Variants in ZNF521 observed in about 807,000 individuals in gnomAD.
The protein encoded by ZNF521 is LYST-interacting protein 3.
A neutral mutation model predicts 105.5 loss-of-function variants in ZNF521; 14 were observed. That is an observed-to-expected ratio of 0.13 (90% CI 0.09 to 0.21). The LOEUF (loss-of-function observed/expected upper bound fraction) is 0.21. Ranked by LOEUF, ZNF521 falls within the 10% of genes least tolerant of loss-of-function variation. ZNF521 has a pLI of 1.00. For synonymous variants in ZNF521, 635 were observed against 606.0 expected, an observed-to-expected ratio of 1.05 and a Z score of -0.70; for missense variants, 1,233 against 1,629.7, an observed-to-expected ratio of 0.76 and a Z score of 4.19.
At chr18:25,313,684 C>G (rs988491976) in intron 3 of ZNF521, among the ~76,000 whole-genome samples, 4 of 151,962 alleles carry the variant, frequency 2.6e-5, no homozygotes, top group Non-Finnish European at 5.9e-5. Flanking sequence ...ATTTTTAAAC[C>G]CTGTTTATTT....
intron 3 of ZNF521, among the ~76,000 whole-genome samples, chr18:25,236,879 T>C (rs1906935632): frequency 6.6e-6 from 1 of 152,210 alleles, no homozygotes; most frequent in Admixed American, 6.5e-5. Context: ...ACAGGTCTTA[T>C]GATATTAAGT....
At chr18:25,230,694 G>C (rs556933267) in intron 3 of ZNF521, among the ~76,000 whole-genome samples, 1 of 152,248 alleles carries the variant, frequency 6.6e-6, no homozygotes, top group South Asian at 2.1e-4. Context: ...CTTTCTGGGT[G>C]ATGGCAAGTT....
chr18:25,162,804 C>A (rs917074085), intron 5 of ZNF521, among the ~76,000 whole-genome samples: 2 of 151,900 alleles, frequency 1.3e-5, no homozygotes, highest in Non-Finnish European at 2.9e-5. Flanking sequence ...AATCACAGAA[C>A]AAGACACTTA....
intron 5 of ZNF521, among the ~76,000 whole-genome samples, chr18:25,116,620 A>G (rs1763488695): frequency 1.3e-5 from 2 of 151,994 alleles, no homozygotes; most frequent in Admixed American, 6.6e-5. Flanking sequence ...AAGACAAACA[A>G]TCATCAACCT....
chr18:25,310,323 A>G (rs1912227895), intron 3 of ZNF521, among the ~76,000 whole-genome samples: 1 of 152,192 alleles, frequency 6.6e-6, no homozygotes, highest in Admixed American at 6.5e-5. Flanking sequence ...AAGGAAGCTC[A>G]TGACCCCAAA....
intron 5 of ZNF521, among the ~76,000 whole-genome samples, chr18:25,093,132 G>A (rs952907398): frequency 4.6e-5 from 7 of 151,034 alleles, no homozygotes; most frequent in Non-Finnish European, 7.4e-5. Flanking sequence ...GAGGCGCAGA[G>A]AGTTTAAGTA....
At chr18:25,084,148 T>G (rs976054989) in intron 7 of ZNF521, among the ~76,000 whole-genome samples, 1 of 151,914 alleles carries the variant, frequency 6.6e-6, no homozygotes, top group African/African-American at 2.4e-5. Context: ...GTATGTAATA[T>G]AGCAGTTGTA....
intron 1 of ZNF521, 120 bp downstream of exon 1, chr18:25,351,885 C>T (rs185260009): frequency 0.13 from 34,397 of 274,102 alleles, 2,726 homozygotes; most frequent in South Asian, 0.16. Context: ...GCAGCGGCGG[C>T]GGCAGCAGCG....
chr18:25,299,635 C>T (rs1911518942), intron 3 of ZNF521, among the ~76,000 whole-genome samples: 1 of 152,164 alleles, frequency 6.6e-6, no homozygotes, highest in African/African-American at 2.4e-5. Flanking sequence ...TTGACTAATG[C>T]TTCTTTTATA....
At chr18:25,195,669 C>CA (rs2035890937) in intron 4 of ZNF521, among the ~76,000 whole-genome samples, 1 of 151,572 alleles carries the variant, frequency 6.6e-6, no homozygotes, top group Non-Finnish European at 1.5e-5. Context: ...TCTAGATATC[C>CA]ATAAGTAATA....
At chr18:25,212,445 C>T (rs7231781) in intron 4 of ZNF521, among the ~76,000 whole-genome samples, 56,729 of 135,228 alleles carry the variant, frequency 0.42, 11,494 homozygotes, top group South Asian at 0.54. Flanking sequence ...GGTAGGTGGA[C>T]GTTGTGGTGA....
chr18:25,268,078 A>G (rs988648392), intron 3 of ZNF521, among the ~76,000 whole-genome samples: 1 of 152,226 alleles, frequency 6.6e-6, no homozygotes, highest in Non-Finnish European at 1.5e-5. Context: ...CAGTTTTGAG[A>G]AGAACATAAA....
rs149025294 is a variant in ZNF521 at position 25,305,337 on chromosome 18, A to T, written c.220+16671T>A. ...GAGAAATCTTTTAAAACCATTCTAA[A>T]AGTTGCATAGATAATTCTGTGTTAC... On this transcript the variant is annotated intron_variant, in intron 3 of 7. Transcript: ENST00000361524. Among the ~76,000 whole-genome samples, 1,013 of 152,306 alleles carry T rather than the reference A, an allele frequency of 6.7e-3. 14 individuals carry two copies. Among genetic ancestry groups the T allele is most frequent in the African/African-American group, 0.023 (951 of 41,580 alleles).
chr18:25,131,419 G>T (rs1375433176), intron 5 of ZNF521, among the ~76,000 whole-genome samples: 2 of 152,094 alleles, frequency 1.3e-5, no homozygotes, highest in African/African-American at 4.8e-5. Context: ...GCAAATTCCA[G>T]CTCATTCTTC....
chr18:25,118,091 T>C (rs1322983683), intron 5 of ZNF521, among the ~76,000 whole-genome samples: 2 of 152,108 alleles, frequency 1.3e-5, no homozygotes, highest in Non-Finnish European at 2.9e-5. Flanking sequence ...ATGATTTCTG[T>C]CTTCTCACTA....
chr18:25,153,783 A>G (rs192669989), intron 5 of ZNF521, among the ~76,000 whole-genome samples: 1 of 152,266 alleles, frequency 6.6e-6, no homozygotes, highest in African/African-American at 2.4e-5. Flanking sequence ...CTTTTGTCCT[A>G]TAACCCATTC....
chr18:25,138,054 G>C (rs2034770110), intron 5 of ZNF521, among the ~76,000 whole-genome samples: 1 of 152,116 alleles, frequency 6.6e-6, no homozygotes, highest in African/African-American at 2.4e-5. Context: ...CACTGGGATA[G>C]GGCCTCCGCT....
chr18:25,227,057 G>C lies in ZNF521; in HGVS notation c.861C>G (p.His287Gln). ...GGGAGGTCTCCTCTACGAAGAGCTC[G>C]TGGCAGTAGACACACTGGAGGGCCG... The part of the protein sequence containing the change: ...DRAALQCVYC[H>Q]ELFVEETSLM... Residue 287 changes from histidine (H) to glutamine (Q), a missense_variant, in exon 4 of 8, where the codon CAC (histidine) becomes CAG (glutamine). By Grantham distance (24) the His-to-Gln change is conservative (BLOSUM62 0). Around this residue, in one of 6 missense-constraint regions of ZNF521, gnomAD observed 380 missense variants for 478.0 expected, o/e 0.80. Transcript: ENST00000361524. The surrounding 1 kb of genome is among the most constrained non-coding windows in gnomAD (Gnocchi z 5.7). 6.2e-7 allele frequency: 1 copy of C among 1,614,148 alleles called. No homozygotes were observed. Among genetic ancestry groups the C allele is most frequent in the Non-Finnish European group, 8.5e-7 (1 of 1,180,022 alleles).
intron 5 of ZNF521, among the ~76,000 whole-genome samples, chr18:25,176,223 G>T (rs974750039): frequency 1.3e-5 from 2 of 152,092 alleles, no homozygotes; most frequent in African/African-American, 4.8e-5. Flanking sequence ...ACCCCATAAT[G>T]CAACACAAAC....
Sources: allele counts gnomAD v4.1 joint callset (sites outside exome capture counted in the v4.1 genomes callset), GRCh38; gene constraint gnomAD v4.1.1; regional missense constraint gnomAD v4.1.1; non-coding constraint Gnocchi (gnomAD v3.1); transcripts MANE v1.5; gene names NCBI Gene and HGNC (gene_info 2026-07-23, HGNC 2026-07-21).